TTC28: variants seen among roughly 807,000 people sequenced by gnomAD.
TTC28 encodes the protein tetratricopeptide repeat protein 28.
Under a neutral mutation model 198.0 loss-of-function variants are expected in TTC28, and 61 were observed. That is an observed-to-expected ratio of 0.31 (90% confidence interval 0.25 to 0.38). The LOEUF is 0.38. TTC28 is among the 10% of genes least tolerant of loss of function. The pLI is 1.00. For missense variants in TTC28, 2,678 were observed against 3,164.0 expected, an observed-to-expected ratio of 0.85 and a Z score of 3.69; for synonymous variants, 1,171 against 1,297.8, an observed-to-expected ratio of 0.90 and a Z score of 2.10.
rs917409260 is a variant in TTC28 at position 28,173,673 on chromosome 22, G to C, written c.934-10074C>G. ...TGCATCTGACAAGTTAGATTCATGG[G>C]ACATAAAACCAGAGTAAGAAATTTG... On this transcript the variant is annotated intron_variant, in intron 5 of 22. Transcript: ENST00000397906. Among the ~76,000 whole-genome samples the C allele has an allele frequency of 2.0e-5, 3 of 152,246 alleles. No individual in the cohort carries two copies. The South Asian group carries it at 6.2e-4, about 32-fold the overall frequency.
At chr22:28,549,942 T>G (rs1035028178) in intron 2 of TTC28, among the ~76,000 whole-genome samples, 1 of 152,204 alleles carries the variant, frequency 6.6e-6, no homozygotes, top group Non-Finnish European at 1.5e-5. Context: ...AGTCAAAGCT[T>G]TTAAGTTTCT....
intron 2 of TTC28, among the ~76,000 whole-genome samples, chr22:28,339,768 G>C (rs368564466): frequency 6.6e-6 from 1 of 152,070 alleles, no homozygotes; most frequent in Non-Finnish European, 1.5e-5. Context: ...GGAGTGACCC[G>C]ATTTTCCAGG....
At chr22:28,645,142 C>CA (rs796159071) in intron 1 of TTC28, among the ~76,000 whole-genome samples, 389 of 119,836 alleles carry the variant, frequency 3.2e-3, no homozygotes, top group Middle Eastern at 0.011. Flanking sequence ...GACTCCGTCT[C>CA]AAAAAAAAAA....
intron 2 of TTC28, among the ~76,000 whole-genome samples, chr22:28,493,080 G>A (rs1408987522): frequency 6.6e-6 from 1 of 151,898 alleles, no homozygotes; most frequent in Non-Finnish European, 1.5e-5. Flanking sequence ...GTTTTGGCTG[G>A]GTGCAGAGGC....
At chr22:28,583,644 G>A (rs1046908021) in intron 2 of TTC28, among the ~76,000 whole-genome samples, 1 of 151,922 alleles carries the variant, frequency 6.6e-6, no homozygotes, top group Non-Finnish European at 1.5e-5. Flanking sequence ...AGAAGTTCAG[G>A]AACTTAAAAC....
At chr22:28,518,764 AAGAC>A (rs1234611790) in intron 2 of TTC28, among the ~76,000 whole-genome samples, 2 of 152,358 alleles carry the variant, frequency 1.3e-5, no homozygotes, top group South Asian at 2.1e-4. Flanking sequence ...AGATAGTAAA[AAGAC>A]AGAATTCATC....
At chr22:28,625,119 C>G (rs755607292) in intron 2 of TTC28, among the ~76,000 whole-genome samples, 11 of 152,172 alleles carry the variant, frequency 7.2e-5, no homozygotes, top group Non-Finnish European at 1.5e-4. Flanking sequence ...AAGCTCAATG[C>G]TTTCCCACAA....
intron 2 of TTC28, among the ~76,000 whole-genome samples, chr22:28,494,636 T>G (rs889864670): frequency 4.6e-5 from 7 of 152,202 alleles, no homozygotes; most frequent in Non-Finnish European, 1.0e-4. Context: ...CTGTACTGAT[T>G]GCATTCTGGC....
chr22:28,113,978 AG>A (rs1942562436), intron 6 of TTC28, among the ~76,000 whole-genome samples: 2 of 152,246 alleles, frequency 1.3e-5, no homozygotes, highest in East Asian at 3.8e-4. Context: ...ATGGGACAAC[AG>A]TAGAAAGAAA....
chr22:28,267,862 T>C (rs1931786589), intron 5 of TTC28, among the ~76,000 whole-genome samples: 1 of 152,212 alleles, frequency 6.6e-6, no homozygotes, highest in South Asian at 2.1e-4. Flanking sequence ...GATTCATATG[T>C]CACATTCCAA....
chr22:27,999,378 G>T (rs1300425199), intron 15 of TTC28, 118 bp from the exon 16 acceptor site: 21 of 1,381,764 alleles, frequency 1.5e-5, no homozygotes, highest in Non-Finnish European at 2.0e-5. Context: ...GAATCCACCT[G>T]TTTCCCCAGT....
intron 5 of TTC28, among the ~76,000 whole-genome samples, chr22:28,179,442 G>A (rs1031121285): frequency 6.6e-6 from 1 of 152,160 alleles, no homozygotes; most frequent in Non-Finnish European, 1.5e-5. Flanking sequence ...TTAAAGGCAT[G>A]AGGCACCGCG....
chr22:28,050,263 C>T (rs150359468), intron 12 of TTC28, among the ~76,000 whole-genome samples: 3 of 152,230 alleles, frequency 2.0e-5, no homozygotes, highest in East Asian at 3.9e-4. Flanking sequence ...GCTGCCTAAT[C>T]CAGGGACACA....
intron 2 of TTC28, among the ~76,000 whole-genome samples, chr22:28,373,440 T>C (rs2046366361): frequency 6.6e-6 from 1 of 152,212 alleles, no homozygotes; most frequent in Non-Finnish European, 1.5e-5. Flanking sequence ...TCCTAGGGGC[T>C]ATTAGCAGAA....
At chr22:28,365,716 A>G (rs536585450) in intron 2 of TTC28, among the ~76,000 whole-genome samples, 1 of 152,230 alleles carries the variant, frequency 6.6e-6, no homozygotes, top group Non-Finnish European at 1.5e-5. Context: ...GTACACATGC[A>G]TATTTGTCTG....
intron 2 of TTC28, among the ~76,000 whole-genome samples, chr22:28,606,404 A>G (rs2050736274): frequency 6.6e-6 from 1 of 152,026 alleles, no homozygotes; most frequent in Non-Finnish European, 1.5e-5. Context: ...TCAATTTTTT[A>G]ATTGTTCTAA....
intron 2 of TTC28, among the ~76,000 whole-genome samples, chr22:28,309,432 C>A (rs967612881): frequency 6.6e-6 from 1 of 152,092 alleles, no homozygotes; most frequent in Admixed American, 6.5e-5. Flanking sequence ...AAGTTCTGAG[C>A]GAGATAACAG....
rs1272928521 is a variant in TTC28 at position 28,536,401 on chromosome 22, G to A, written c.381+93151C>T. 1.1e-4 allele frequency among the ~76,000 whole-genome samples: 16 copies of A among 151,594 alleles called. 1 individual carries two copies. The highest frequency in any genetic ancestry group is 7.4e-5 in the Non-Finnish European group (5 of 67,754). ...GCACTTTGGGAGGCCGAGGCGGGCG[G>A]ATCACGAGGTCAGGAGATCGAGACC... is the stretch of plus-strand genomic sequence containing the variant. On this transcript the variant is annotated intron_variant, in intron 2 of 22. Coordinates refer to ENST00000397906, the MANE Select transcript of TTC28 (RefSeq NM_001145418.2).
chr22:28,472,131 A>G (rs1490493447), intron 2 of TTC28, among the ~76,000 whole-genome samples: 2 of 152,186 alleles, frequency 1.3e-5, no homozygotes, highest in African/African-American at 4.8e-5. Flanking sequence ...AACACAAAAG[A>G]GCATCTATTT....
Sources: gnomAD v4.1 joint callset for allele counts (sites outside exome capture counted in the v4.1 genomes callset) on GRCh38, gnomAD v4.1.1 for gene constraint, MANE v1.5 for transcripts, NCBI Gene and HGNC (gene_info 2026-07-23, HGNC 2026-07-21) for gene names.